Variants in RASSF5 observed in about 807,000 individuals in gnomAD.
RASSF5 encodes Ras association domain family member 5.
RASSF5 carries 25 observed loss-of-function variants against 40.5 expected under a neutral mutation model. The ratio of observed to expected loss-of-function variants is 0.62; its 90% CI spans 0.45 to 0.86. The LOEUF (loss-of-function observed/expected upper bound fraction) is 0.86, where lower values mean the gene tolerates loss of function less well. Ranked by LOEUF, RASSF5 falls within the 40% of genes least tolerant of loss-of-function variation. The pLI, the probability that RASSF5 is intolerant of heterozygous loss-of-function variation, is 0.00. For synonymous variants in RASSF5, 246 were observed against 252.4 expected (o/e 0.97, Z 0.24); for missense variants, 521 against 572.8 (o/e 0.91, Z 0.92).
intron 2 of RASSF5, among the ~76,000 whole-genome samples, chr1:206,577,165 C>T (rs1377093012): frequency 6.6e-6 from 1 of 152,054 alleles, no homozygotes; most frequent in Non-Finnish European, 1.5e-5. Context: ...GCTTTTGTGC[C>T]ACAATAGTAG....
chr1:206,585,388 C>G (rs1452360314), intron 5 of RASSF5, 93 bp downstream of exon 5: 11 of 873,618 alleles, frequency 1.3e-5, no homozygotes, highest in South Asian at 4.0e-5. Context: ...TAGGTGGGAG[C>G]CACGCAGCAC....
intron 2 of RASSF5, chr1:206,543,303 T>A (rs1667591873): frequency 1.3e-5 from 2 of 151,376 alleles, no homozygotes; most frequent in South Asian, 4.2e-4. Context: ...TCGAGGCCAC[T>A]CTCTTTGGCC....
intron 2 of RASSF5, among the ~76,000 whole-genome samples, chr1:206,578,530 G>A (rs1286936014): frequency 2.0e-5 from 3 of 152,130 alleles, no homozygotes; most frequent in Non-Finnish European, 4.4e-5. Flanking sequence ...GACTTCTGAT[G>A]GGCAAACAGG....
intron 1 of RASSF5, among the ~76,000 whole-genome samples, chr1:206,532,911 C>G (rs1457195202): frequency 6.6e-6 from 1 of 152,188 alleles, no homozygotes; most frequent in African/African-American, 2.4e-5. Context: ...TACCCATTTT[C>G]TAGTTCAGAA....
intron 2 of RASSF5, among the ~76,000 whole-genome samples, chr1:206,564,942 C>T (rs1212296323): frequency 2.0e-5 from 3 of 152,102 alleles, no homozygotes; most frequent in Admixed American, 6.5e-5. Context: ...GTCCTGGGGG[C>T]TCATCTCCCC....
intron 3 of RASSF5, 49 bp downstream of exon 3, chr1:206,583,428 C>T (rs782424445): frequency 1.6e-5 from 21 of 1,289,718 alleles, no homozygotes; most frequent in Admixed American, 3.4e-5. Context: ...CCACCCGCTT[C>T]GGGTTTGGCG....
intron 2 of RASSF5, among the ~76,000 whole-genome samples, chr1:206,548,570 T>C (rs531834470): frequency 6.6e-6 from 1 of 152,328 alleles, no homozygotes; most frequent in East Asian, 1.9e-4. Flanking sequence ...ACATGCGATT[T>C]GGAGGGGACA....
At position 206,588,440 on chromosome 1, in the gene RASSF5, G is replaced by T. The variant is rs141041350; in HGVS notation, c.*1462G>T. 2.0e-5 allele frequency: 3 copies of T among 152,342 alleles called. No individual in the cohort carries two copies. Among genetic ancestry groups the T allele is most frequent in the Non-Finnish European group, 2.9e-5 (2 of 68,042 alleles). 9.4% of individuals were successfully genotyped at this position (152,342 alleles called of 1,614,324 possible). ...ATTCCAACAAGTAGCCAGGACTGCA[G>T]AGACACTCCAGTGCAGAGGGAGAAG... On this transcript the variant is annotated 3_prime_UTR_variant, in exon 6 of 6. Coordinates refer to ENST00000579436, the MANE Select transcript of RASSF5 (RefSeq NM_182663.4).
intron 1 of RASSF5, chr1:206,529,702 G>C (rs982790825): frequency 2.8e-6 from 2 of 715,956 alleles, no homozygotes; most frequent in Admixed American, 1.8e-5. Context: ...ACTAAACCGG[G>C]TTAAATGCAC....
chr1:206,567,442 C>A (rs1438539677), intron 2 of RASSF5, among the ~76,000 whole-genome samples: 1 of 152,114 alleles, frequency 6.6e-6, no homozygotes, highest in Non-Finnish European at 1.5e-5. Flanking sequence ...CCTGGTTTGG[C>A]AGTGCCATTG....
intron 2 of RASSF5, among the ~76,000 whole-genome samples, chr1:206,540,497 C>A (rs1667518109): frequency 6.6e-6 from 1 of 152,242 alleles, no homozygotes; most frequent in African/African-American, 2.4e-5. Context: ...AGCTGAACCG[C>A]CCCCAGTGGG....
At position 206,554,247 on chromosome 1, in the gene RASSF5, T is replaced by C. The variant is rs1335582380; in HGVS notation, c.579+15954T>C. ...GATAGTTGAGGAAACCTGATGTCCA[T>C]AGTTGCTCAAGATACCATATCAAGC... is the stretch of plus-strand genomic sequence containing the variant. On this transcript the variant is annotated intron_variant, in intron 2 of 5. Coordinates refer to ENST00000579436, the MANE Select transcript of RASSF5 (RefSeq NM_182663.4). Among the ~76,000 whole-genome samples, 5 of 152,168 alleles carry C rather than the reference T, an allele frequency of 3.3e-5. No individual in the cohort carries two copies. In the East Asian group the frequency reaches 9.6e-4, roughly 29 times the overall value.
intron 2 of RASSF5, among the ~76,000 whole-genome samples, chr1:206,550,043 A>T (rs571940153): frequency 6.6e-6 from 1 of 151,758 alleles, no homozygotes. Context: ...GTCTCCCTAG[A>T]CTCGAGCAGC....
chr1:206,538,675 G>A (rs1379381289), intron 2 of RASSF5, among the ~76,000 whole-genome samples: 1 of 152,188 alleles, frequency 6.6e-6, no homozygotes, highest in Non-Finnish European at 1.5e-5. Flanking sequence ...GTCCAGCCAG[G>A]CCAGCCCAAC....
chr1:206,508,273 G>A (rs1553394155), intron 1 of RASSF5, among the ~76,000 whole-genome samples: 1 of 152,066 alleles, frequency 6.6e-6, no homozygotes, highest in African/African-American at 2.4e-5. Flanking sequence ...GTATGGTTAT[G>A]CGGTAGTTAA....
At chr1:206,545,995 G>T (rs1572327921) in intron 2 of RASSF5, among the ~76,000 whole-genome samples, 1 of 145,652 alleles carries the variant, frequency 6.9e-6, no homozygotes. Context: ...CTGTCACCCA[G>T]GCTGGAGTGC....
chr1:206,569,864 T>C (rs1553403924), intron 2 of RASSF5, among the ~76,000 whole-genome samples: 1 of 152,066 alleles, frequency 6.6e-6, no homozygotes, highest in Admixed American at 6.5e-5. Context: ...GAGAGTGGCC[T>C]AGTCCTAGGA....
intron 1 of RASSF5, among the ~76,000 whole-genome samples, chr1:206,509,796 A>C (rs973229979): frequency 6.6e-6 from 1 of 151,606 alleles, no homozygotes; most frequent in Non-Finnish European, 1.5e-5. Flanking sequence ...GTGATACTCC[A>C]TGACTAAATG....
intron 1 of RASSF5, among the ~76,000 whole-genome samples, chr1:206,524,784 A>G (rs1446208393): frequency 4.7e-5 from 7 of 149,308 alleles, no homozygotes; most frequent in African/African-American, 1.7e-4. Context: ...GTCAGTTAAT[A>G]TAGTCTATAG....
Sources: gnomAD v4.1 joint callset for allele counts (sites outside exome capture counted in the v4.1 genomes callset) on GRCh38, gnomAD v4.1.1 for gene constraint, MANE v1.5 for transcripts, NCBI Gene and HGNC (gene_info 2026-07-23, HGNC 2026-07-21) for gene names.